GPHN: variants seen among roughly 807,000 people sequenced by gnomAD.
The protein encoded by GPHN is gephyrin.
A neutral mutation model predicts 95.5 loss-of-function variants in GPHN; 17 were observed. That is an observed-to-expected ratio of 0.18 (90% CI 0.12 to 0.27). The LOEUF (loss-of-function observed/expected upper bound fraction) is 0.27. GPHN is among the 10% of genes least tolerant of loss of function. The pLI, the probability that GPHN is intolerant of heterozygous loss-of-function variation, is 1.00. For missense variants in GPHN, 660 were observed against 978.1 expected, an observed-to-expected ratio of 0.67 and a Z score of 4.34; for synonymous variants, 320 against 322.5, an observed-to-expected ratio of 0.99 and a Z score of 0.08.
At chr14:67,646,873 AAAAATGCTCTTTAAACTAAGGACTCC>A in the GPHN span, 1 of 1,442,948 alleles carries the variant, frequency 6.9e-7, no homozygotes, top group South Asian at 1.2e-5. Context: ...CATATTTGTT[AAAAATGCTCTTTAAACTAAGGACTCC>A]TCCCTTTATA....
At chr14:67,574,098 T>G in the GPHN span, 7 of 725,762 alleles carry the variant, frequency 9.6e-6, no homozygotes, top group South Asian at 3.8e-5. The surrounding 1 kb of genome is among the most constrained non-coding windows in gnomAD (Gnocchi z 4.2). Context: ...GAGGAAAAGA[T>G]GAGGAGGAAA....
At chr14:67,422,060 T>C in the GPHN span, among the ~76,000 whole-genome samples, 2 of 152,116 alleles carry the variant, frequency 1.3e-5, no homozygotes, top group Non-Finnish European at 2.9e-5. Context: ...CCTAGCCAGT[T>C]CCTAGAAATA....
At chr14:67,066,965 T>C (rs1168000583) in intron 11 of GPHN, among the ~76,000 whole-genome samples, 1 of 152,246 alleles carries the variant, frequency 6.6e-6, no homozygotes, top group Non-Finnish European at 1.5e-5. Context: ...TCTAGCTTTG[T>C]TCCATTGCTG....
At chr14:67,046,447 T>C (rs1487689879) in intron 10 of GPHN, among the ~76,000 whole-genome samples, 1 of 152,156 alleles carries the variant, frequency 6.6e-6, no homozygotes, top group East Asian at 1.9e-4. Context: ...TTCTGAGTGA[T>C]GGAATAATGA....
the GPHN span, chr14:67,727,485 G>GAT: frequency 3.9e-6 from 1 of 256,528 alleles, no homozygotes. Flanking sequence ...TGTTTTTTTT[G>GAT]TTTTTTTTTT....
intron 1 of GPHN, among the ~76,000 whole-genome samples, chr14:66,565,431 C>G (rs754878673): frequency 7.2e-5 from 11 of 151,858 alleles, no homozygotes; most frequent in Non-Finnish European, 1.5e-4. Context: ...CCCGAGTAGC[C>G]AGGACTACAG....
the GPHN span, chr14:67,569,333 C>G: frequency 8.7e-6 from 6 of 686,126 alleles, no homozygotes; most frequent in Non-Finnish European, 1.6e-5. Context: ...CTACCCTGTT[C>G]CCCTCCCCAG....
the GPHN span, chr14:67,575,664 C>G: frequency 1.4e-6 from 1 of 709,696 alleles, no homozygotes; most frequent in Non-Finnish European, 2.4e-6. Flanking sequence ...AAGCCTCATT[C>G]TGCTGCCAGC....
chr14:67,392,081 G>A, the GPHN span, among the ~76,000 whole-genome samples: 2 of 152,054 alleles, frequency 1.3e-5, no homozygotes, highest in Non-Finnish European at 2.9e-5. Flanking sequence ...TGTGATAATT[G>A]TGTGTGTGTG....
chr14:67,442,927 A>G, the GPHN span, among the ~76,000 whole-genome samples: 1 of 152,192 alleles, frequency 6.6e-6, no homozygotes, highest in Non-Finnish European at 1.5e-5. Context: ...CGTTATATTA[A>G]ATGAGTTCTG....
chr14:67,302,423 G>C, the GPHN span: 9 of 1,588,260 alleles, frequency 5.7e-6, no homozygotes, highest in Non-Finnish European at 7.7e-6. Context: ...GCTACAGTTC[G>C]TAATGAAATG....
At chr14:66,558,806 A>G (rs1312981437) in intron 1 of GPHN, among the ~76,000 whole-genome samples, 1 of 151,968 alleles carries the variant, frequency 6.6e-6, no homozygotes, top group East Asian at 1.9e-4. Context: ...TTACATATGT[A>G]TACATGTGCC....
At chr14:67,685,238 A>G in the GPHN span, 4 of 1,573,424 alleles carry the variant, frequency 2.5e-6, no homozygotes, top group South Asian at 1.2e-5. Context: ...AGGGTAAGAC[A>G]GGACTTGATT....
chr14:67,480,673 G>T, the GPHN span, among the ~76,000 whole-genome samples: 5 of 152,138 alleles, frequency 3.3e-5, no homozygotes, highest in Middle Eastern at 3.2e-3. Context: ...TATCCCCCTG[G>T]CTCTTCCAAC....
chr14:67,336,020 TA>T, the GPHN span, among the ~76,000 whole-genome samples: 1 of 152,236 alleles, frequency 6.6e-6, no homozygotes, highest in Admixed American at 6.5e-5. Flanking sequence ...CCTTAATTAT[TA>T]AAACCAACAA....
chr14:66,634,554 G>C (rs2063998126), intron 1 of GPHN, among the ~76,000 whole-genome samples: 1 of 152,038 alleles, frequency 6.6e-6, no homozygotes, highest in Non-Finnish European at 1.5e-5. Flanking sequence ...AAGGTCCTAG[G>C]TGGGGAGCCA....
At chr14:67,649,627 T>C in the GPHN span, 1 of 152,114 alleles carries the variant, frequency 6.6e-6, no homozygotes, top group Middle Eastern at 3.4e-3. Flanking sequence ...GTGCAGGAAA[T>C]GATGGAAATG....
At chr14:67,289,840 G>A in the GPHN span, among the ~76,000 whole-genome samples, 5 of 142,778 alleles carry the variant, frequency 3.5e-5, no homozygotes, top group African/African-American at 1.3e-4. Flanking sequence ...GCACTATCTC[G>A]GTTCACTGCA....
At chr14:67,332,672 GAA>G in the GPHN span, 1 of 1,062,966 alleles carries the variant, frequency 9.4e-7, no homozygotes, top group Non-Finnish European at 1.3e-6. Context: ...GGGAGAGACA[GAA>G]GGAAAGCTAT....
Sources: gnomAD v4.1 joint callset for allele counts (sites outside exome capture counted in the v4.1 genomes callset) on GRCh38, gnomAD v4.1.1 for gene constraint, Gnocchi (gnomAD v3.1) non-coding constraint, MANE v1.5 for transcripts, NCBI Gene and HGNC (gene_info 2026-07-23, HGNC 2026-07-21) for gene names.